Variants in WASHC3 observed in about 807,000 individuals in gnomAD.
The protein encoded by WASHC3 is WASH complex subunit CCDC53.
A neutral mutation model predicts 26.1 loss-of-function variants in WASHC3; 24 were observed. The observed-to-expected ratio is 0.92, with a 90% CI of 0.66 to 1.29. The LOEUF is 1.29. WASHC3 is among the 50% of genes most tolerant of loss of function. The pLI, the probability that WASHC3 is intolerant of heterozygous loss-of-function variation, is 0.00. For missense variants in WASHC3, 214 were observed against 229.6 expected (o/e 0.93, Z 0.44); for synonymous variants, 77 against 75.7 (o/e 1.02, Z -0.09).
chr12:102,028,597 G>GA (rs201002705), intron 5 of WASHC3, among the ~76,000 whole-genome samples: 2 of 150,866 alleles, frequency 1.3e-5, no homozygotes, highest in Non-Finnish European at 3.0e-5. Flanking sequence ...GAATGAGGTT[G>GA]AAAAAAAAAT....
In WASHC3 at chr12:102,021,747, T is replaced by A. The variant is rs913443464; in HGVS notation, c.500+4227A>T. Among the ~76,000 whole-genome samples the A allele has an allele frequency of 5.3e-5, 8 of 152,242 alleles. No homozygotes were observed. In the East Asian group the frequency reaches 1.4e-3, roughly 26 times the overall value. ...GGCCAAAACTCAACCTTTAATCCAC[T>A]ATGTTGTTGTATAGCAGGAGGTAAA... On this transcript the variant is annotated intron_variant, in intron 6 of 6. Coordinates refer to ENST00000240079, the MANE Select transcript of WASHC3 (RefSeq NM_016053.4).
intron 6 of WASHC3, among the ~76,000 whole-genome samples, chr12:102,023,109 G>C (rs1045679736): frequency 2.6e-5 from 4 of 151,540 alleles, no homozygotes; most frequent in African/African-American, 9.7e-5. Context: ...GTAATTATCA[G>C]GCATTTTCTA....
chr12:102,022,874 C>A (rs1009869274), intron 6 of WASHC3, among the ~76,000 whole-genome samples: 12 of 151,904 alleles, frequency 7.9e-5, no homozygotes, highest in African/African-American at 2.4e-4. Flanking sequence ...AATGTATTAA[C>A]CTTTGGCCAA....
At chr12:102,026,279 A>C (rs959055356) in intron 5 of WASHC3, among the ~76,000 whole-genome samples, 3 of 152,152 alleles carry the variant, frequency 2.0e-5, no homozygotes, top group African/African-American at 7.2e-5. Context: ...CTTATTCATT[A>C]CTAATTCTGC....
In WASHC3 at chr12:102,061,926, T is replaced by C. The variant is rs1878829847; in HGVS notation, c.37A>G (p.Ile13Val). ...EDGLPLMGSG[I>V]DLTKVPAIQQ... Reference sequence around the variant, plus strand: ...CTTTTACAAACCTTGGTCAGGTCTATGCCTGACCCCATGAGAGGAAGCCCG... The same window carrying C: ...CTTTTACAAACCTTGGTCAGGTCTACGCCTGACCCCATGAGAGGAAGCCCG... Residue 13 changes from isoleucine (I) to valine (V), a missense_variant, in exon 1 of 7, where the codon ATA becomes GTA. Physicochemically the swap from Ile to Val is conservative, Grantham distance 29. Transcript: ENST00000240079. 1 of 1,600,544 alleles carries C rather than the reference T, an allele frequency of 6.2e-7. No individual in the cohort carries two copies. Among genetic ancestry groups the C allele is most frequent in the African/African-American group, 1.3e-5 (1 of 74,726 alleles).
At chr12:102,035,559 T>C (rs1188647681) in intron 5 of WASHC3, among the ~76,000 whole-genome samples, 1 of 152,180 alleles carries the variant, frequency 6.6e-6, no homozygotes, top group Admixed American at 6.5e-5. Flanking sequence ...TATTCTTGTT[T>C]TAGTCCTGAA....
intron 2 of WASHC3, among the ~76,000 whole-genome samples, chr12:102,049,167 G>A (rs1263540514): frequency 1.3e-5 from 2 of 152,190 alleles, no homozygotes; most frequent in Non-Finnish European, 2.9e-5. Context: ...ACTGTCCTGA[G>A]CACTACAAGA....
chr12:102,032,665 A>C (rs1240044539), intron 5 of WASHC3, among the ~76,000 whole-genome samples: 1 of 152,128 alleles, frequency 6.6e-6, no homozygotes, highest in East Asian at 1.9e-4. Context: ...AAATTTGGGG[A>C]TCAATTAATA....
chr12:102,031,747 A>G (rs1198085695), intron 5 of WASHC3, among the ~76,000 whole-genome samples: 2 of 152,170 alleles, frequency 1.3e-5, no homozygotes, highest in Non-Finnish European at 2.9e-5. Flanking sequence ...AGTAAACCTT[A>G]GGTATTATAA....
At chr12:102,050,449 C>T (rs1878344516) in intron 2 of WASHC3, 1 of 389,280 alleles carries the variant, frequency 2.6e-6, no homozygotes, top group African/African-American at 2.3e-5. Flanking sequence ...AAGATGCCAT[C>T]TCTAACACAC....
intron 6 of WASHC3, among the ~76,000 whole-genome samples, chr12:102,022,100 C>T (rs187517822): frequency 3.3e-5 from 5 of 152,266 alleles, no homozygotes; most frequent in Non-Finnish European, 7.4e-5. Flanking sequence ...CTGCACACTG[C>T]ACCCTCCCAC....
intron 5 of WASHC3, among the ~76,000 whole-genome samples, chr12:102,028,392 A>G (rs1418581899): frequency 6.6e-6 from 1 of 152,168 alleles, no homozygotes; most frequent in Non-Finnish European, 1.5e-5. Context: ...CCAGGAAAAA[A>G]GAGAAGAAGA....
chr12:102,021,786 G>T (rs1876970106), intron 6 of WASHC3, among the ~76,000 whole-genome samples: 2 of 152,192 alleles, frequency 1.3e-5, no homozygotes, highest in Non-Finnish European at 2.9e-5. Flanking sequence ...CCTCCTGGCA[G>T]ATAAGGAATG....
chr12:102,048,863 AG>A (rs1878274207), intron 2 of WASHC3, among the ~76,000 whole-genome samples: 1 of 152,194 alleles, frequency 6.6e-6, no homozygotes, highest in Non-Finnish European at 1.5e-5. Context: ...AGACTGTCAA[AG>A]GGTCCATGGC....
rs530631170 is a variant in WASHC3 at position 102,060,167 on chromosome 12, G to T, written c.150+1081C>A. On this transcript the variant is annotated intron_variant, in intron 2 of 6. Transcript: ENST00000240079. The stretch of plus-strand genomic sequence containing the variant: ...CAGAATGTTCAACAGACTTACTTGT[G>T]AATATCTAAGTCCCATAATTTACTT... Among the ~76,000 whole-genome samples, 4 of 152,328 alleles carry T rather than the reference G, an allele frequency of 2.6e-5. No homozygotes were observed. The South Asian group carries it at 8.3e-4, about 32-fold the overall frequency.
chr12:102,034,278 T>C (rs1280022695), intron 5 of WASHC3, among the ~76,000 whole-genome samples: 1 of 152,114 alleles, frequency 6.6e-6, no homozygotes. Context: ...TCCTGAGGTA[T>C]AGAGATACAA....
chr12:102,017,762 C>T, intron 6 of WASHC3: 1 of 433,074 alleles, frequency 2.3e-6, no homozygotes, highest in Admixed American at 2.6e-5. Context: ...CCGTCAGCAA[C>T]ACTTGTTATT....
intron 6 of WASHC3, among the ~76,000 whole-genome samples, chr12:102,023,964 T>C (rs1318350511): frequency 2.0e-5 from 3 of 152,136 alleles, no homozygotes; most frequent in Non-Finnish European, 4.4e-5. Context: ...CCGTGGTAGT[T>C]ACCTATGGAC....
chr12:102,013,680 T>G (rs991706387), intron 6 of WASHC3, among the ~76,000 whole-genome samples: 1 of 152,208 alleles, frequency 6.6e-6, no homozygotes, highest in African/African-American at 2.4e-5. Context: ...TGTGGAAATT[T>G]TGTAGCGAAG....
Sources: allele counts gnomAD v4.1 joint callset (sites outside exome capture counted in the v4.1 genomes callset), GRCh38; gene constraint gnomAD v4.1.1; transcripts MANE v1.5; gene names NCBI Gene and HGNC (gene_info 2026-07-23, HGNC 2026-07-21).